The following SLC5A4 variants were observed in gnomAD, a reference collection of about 807,000 sequenced individuals.
SLC5A4 encodes probable glucose sensor protein SLC5A4.
SLC5A4 carries 55 observed loss-of-function variants against 70.3 expected under a neutral mutation model. The ratio of observed to expected loss-of-function variants is 0.78; its 90% CI spans 0.63 to 0.98. The LOEUF (loss-of-function observed/expected upper bound fraction) is 0.98, where lower values mean the gene tolerates loss of function less well. SLC5A4 is among the 50% of genes least tolerant of loss of function. The pLI is 0.00. For missense variants in SLC5A4, 735 were observed against 839.2 expected, an observed-to-expected ratio of 0.88 and a Z score of 1.53; for synonymous variants, 268 against 305.7, an observed-to-expected ratio of 0.88 and a Z score of 1.29.
the SLC5A4 span, among the ~76,000 whole-genome samples, chr22:32,306,500 C>T: frequency 5.8e-3 from 838 of 144,808 alleles, 6 homozygotes; most frequent in African/African-American, 0.018. Context: ...TATATAAAGA[C>T]AAAAGAGCAA....
chr22:32,354,057 G>A, the SLC5A4 span, among the ~76,000 whole-genome samples: 8 of 119,466 alleles, frequency 6.7e-5, no homozygotes, highest in East Asian at 2.2e-3. Flanking sequence ...AACCCGCCCC[G>A]CCGGAACCAA....
upstream of SLC5A4, among the ~76,000 whole-genome samples, chr22:32,258,579 A>G (rs1331049588): frequency 3.3e-5 from 5 of 152,184 alleles, no homozygotes; most frequent in Non-Finnish European, 7.3e-5. Context: ...AAAAAAAGAA[A>G]AAAAAGACAA....
chr22:32,327,667 A>G, the SLC5A4 span, among the ~76,000 whole-genome samples: 6 of 152,090 alleles, frequency 3.9e-5, no homozygotes, highest in Non-Finnish European at 8.8e-5. Context: ...GTGTGGTGTG[A>G]GCTCTGGTGG....
the SLC5A4 span, among the ~76,000 whole-genome samples, chr22:32,313,707 G>GC: frequency 6.6e-6 from 1 of 152,168 alleles, no homozygotes; most frequent in Non-Finnish European, 1.5e-5. Flanking sequence ...AAGAGCAATT[G>GC]CCCAGCCACA....
At chr22:32,315,537 C>T in the SLC5A4 span, among the ~76,000 whole-genome samples, 1 of 151,788 alleles carries the variant, frequency 6.6e-6, no homozygotes, top group Non-Finnish European at 1.5e-5. Context: ...TAAGCGCTGT[C>T]TAGAGAAATA....
At chr22:32,324,894 G>T in the SLC5A4 span, among the ~76,000 whole-genome samples, 2 of 152,240 alleles carry the variant, frequency 1.3e-5, no homozygotes, top group African/African-American at 2.4e-5. Context: ...CTTCTGGAAG[G>T]AATCTTTGGC....
chr22:32,259,864 T>G (rs1927669723), upstream of SLC5A4, among the ~76,000 whole-genome samples: 1 of 152,140 alleles, frequency 6.6e-6, no homozygotes, highest in South Asian at 2.1e-4. Flanking sequence ...CAAGTTTTAT[T>G]GGGAGAAGGG....
rs551125909 is a variant in SLC5A4, at chr22:32,223,434, C to T, written c.1665+833G>A. On this transcript the variant is annotated intron_variant, in intron 13 of 14. Coordinates refer to ENST00000266086, the MANE Select transcript of SLC5A4 (RefSeq NM_014227.3). ...TTGGACTGTGGGAATTTTCCCACAA[C>T]ACTAATATCAACCACTAACATTAAA... 2.0e-5 allele frequency among the ~76,000 whole-genome samples: 3 copies of T among 152,314 alleles called. No individual in the cohort carries two copies. The East Asian group carries it at 5.8e-4, about 29-fold the overall frequency.
chr22:32,343,096 C>T, the SLC5A4 span: 1 of 152,204 alleles, frequency 6.6e-6, no homozygotes, highest in Non-Finnish European at 1.5e-5. Context: ...TGCTTTGCTG[C>T]ATTCTGAAGG....
chr22:32,347,552 G>A, the SLC5A4 span, among the ~76,000 whole-genome samples: 5 of 152,140 alleles, frequency 3.3e-5, no homozygotes, highest in South Asian at 4.2e-4. Flanking sequence ...CATGTCCTTT[G>A]TAGGGACATG....
the SLC5A4 span, among the ~76,000 whole-genome samples, chr22:32,328,305 TTGGTACCCAAAGGAGAACA>T: frequency 3.9e-5 from 6 of 152,010 alleles, no homozygotes; most frequent in Non-Finnish European, 8.8e-5. Context: ...ACACCCTCCT[TTGGTACCCAAAGGAGAACA>T]AAGGATGGGG....
At chr22:32,236,120 A>G (rs144192117) in intron 7 of SLC5A4, among the ~76,000 whole-genome samples, 1 of 152,352 alleles carries the variant, frequency 6.6e-6, no homozygotes, top group Admixed American at 6.5e-5. Context: ...ACAGCACAGA[A>G]GTTCTGGATA....
chr22:32,305,812 C>T, the SLC5A4 span, among the ~76,000 whole-genome samples: 53 of 151,528 alleles, frequency 3.5e-4, no homozygotes, highest in Admixed American at 9.9e-4. Context: ...GAAGGCATGC[C>T]GTCTGCAGTG....
the SLC5A4 span, among the ~76,000 whole-genome samples, chr22:32,340,310 C>A: frequency 6.6e-6 from 1 of 152,330 alleles, no homozygotes; most frequent in East Asian, 1.9e-4. Context: ...CGGACACTGT[C>A]TAGGTGCCTT....
At chr22:32,331,820 C>T in the SLC5A4 span, among the ~76,000 whole-genome samples, 2 of 152,086 alleles carry the variant, frequency 1.3e-5, no homozygotes, top group East Asian at 1.9e-4. Context: ...GGCTTCCAGA[C>T]CCCATTCGCC....
chr22:32,264,862 C>G, the SLC5A4 span, among the ~76,000 whole-genome samples: 1 of 152,014 alleles, frequency 6.6e-6, no homozygotes, highest in African/African-American at 2.4e-5. Context: ...ATGTGTGAAC[C>G]CCGCACGTTT....
the SLC5A4 span, among the ~76,000 whole-genome samples, chr22:32,282,496 A>G: frequency 0.35 from 52,651 of 151,764 alleles, 9,283 homozygotes; most frequent in East Asian, 0.42. Flanking sequence ...ATGTTGGCAC[A>G]TTCTGGAGCT....
chr22:32,332,984 T>TG, the SLC5A4 span, among the ~76,000 whole-genome samples: 1 of 152,170 alleles, frequency 6.6e-6, no homozygotes, highest in African/African-American at 2.4e-5. Context: ...TTCTTACCCC[T>TG]GATCAGCATC....
chr22:32,280,367 G>A, the SLC5A4 span, among the ~76,000 whole-genome samples: 1 of 152,080 alleles, frequency 6.6e-6, no homozygotes, highest in Non-Finnish European at 1.5e-5. Context: ...AATGTCAAGG[G>A]TGCCTGCCCA....
Sources: allele counts gnomAD v4.1 joint callset (sites outside exome capture counted in the v4.1 genomes callset), GRCh38; gene constraint gnomAD v4.1.1; transcripts MANE v1.5; gene names NCBI Gene and HGNC (gene_info 2026-07-23, HGNC 2026-07-21).